Variants in USP20 observed in about 807,000 individuals in gnomAD.
USP20 encodes ubiquitin specific peptidase 20, also known as ubiquitin carboxyl-terminal hydrolase 20.
USP20 carries 80 observed loss-of-function variants against 124.2 expected under a neutral mutation model. That is an observed-to-expected ratio of 0.64 (90% confidence interval 0.54 to 0.78). The LOEUF is 0.78. Ranked by LOEUF, USP20 falls within the 30% of genes least tolerant of loss-of-function variation. The pLI, the probability that USP20 is intolerant of heterozygous loss-of-function variation, is 0.00. For synonymous variants in USP20, 481 were observed against 512.3 expected, an observed-to-expected ratio of 0.94 and a Z score of 0.83; for missense variants, 1,043 against 1,244.4, an observed-to-expected ratio of 0.84 and a Z score of 2.44.
intron 3 of USP20, among the ~76,000 whole-genome samples, chr9:129,855,160 G>A (rs868283761): frequency 1.3e-5 from 2 of 152,156 alleles, no homozygotes; most frequent in Admixed American, 1.3e-4. Context: ...GGCTGGGCAC[G>A]GTGGCTCACG....
intron 1 of USP20, among the ~76,000 whole-genome samples, chr9:129,843,013 C>G (rs1306144220): frequency 1.3e-5 from 2 of 152,016 alleles, no homozygotes; most frequent in African/African-American, 2.4e-5. Context: ...TTATGTTGCA[C>G]ATACTCATAT....
Position 129,868,279 on chromosome 9 carries a change from C to CT in USP20, c.966dup (p.Glu323Ter). The CT allele has an allele frequency of 6.2e-7, 1 of 1,614,040 alleles. No individual in the cohort carries two copies. Among genetic ancestry groups the CT allele is most frequent in the South Asian group, 1.1e-5 (1 of 91,086 alleles). On this transcript the variant is annotated frameshift_variant, in exon 11 of 26. Coordinates refer to ENST00000372429, the MANE Select transcript of USP20 (RefSeq NM_001110303.4). LOFTEE classifies it high-confidence loss of function. ...CCAGATGAGGCGGGCCGAGCCATCT[C>CT]TGAGAAGGAGCGGATGAAGGACCGC...
chr9:129,856,129 G>A (rs4837417), intron 3 of USP20, among the ~76,000 whole-genome samples, 178 bp from the exon 4 acceptor site: 131,597 of 152,294 alleles, frequency 0.86, 57,214 homozygotes, highest in East Asian at 0.98. Flanking sequence ...GTGCTCCCCT[G>A]GGAGCCTAAT....
At chr9:129,872,936 T>C (rs2034194978) in intron 15 of USP20, among the ~76,000 whole-genome samples, 2 of 152,164 alleles carry the variant, frequency 1.3e-5, no homozygotes, top group Admixed American at 1.3e-4. Context: ...ATTTTGCTTT[T>C]GGTGGTATCT....
intron 22 of USP20, among the ~76,000 whole-genome samples, chr9:129,877,593 G>A (rs190918803): frequency 7.2e-5 from 11 of 151,900 alleles, no homozygotes; most frequent in Admixed American, 2.0e-4. Context: ...ACCTACTCAG[G>A]AGGCTGAGGT....
rs1373046072 is a variant in USP20, at chr9:129,878,369, C to A, written c.2441C>A (p.Pro814Gln). ...LNKAFQAEES[P>Q]GVIYCISMQW... ...AAGGCCTTCCAGGCCGAGGAGTCGC[C>A]GGGCGTCATCTACTGCATCAGCATG... The change falls in exon 23 of 26, where the codon CCG becomes CAG. Residue 814 changes from proline to glutamine, a missense_variant. By Grantham distance (76) the Pro-to-Gln change is moderately conservative. Coordinates refer to ENST00000372429, the MANE Select transcript of USP20 (RefSeq NM_001110303.4). 1 of 1,605,452 alleles carries A rather than the reference C, an allele frequency of 6.2e-7. No individual in the cohort carries two copies. The highest frequency in any genetic ancestry group is 8.5e-7 in the Non-Finnish European group (1 of 1,176,106).
At chr9:129,836,669 GTTC>G (rs755915619) in intron 1 of USP20, among the ~76,000 whole-genome samples, 23 of 152,336 alleles carry the variant, frequency 1.5e-4, no homozygotes, top group Admixed American at 5.9e-4. Flanking sequence ...CACTGAGATT[GTTC>G]TTCTCTTCCT....
intron 9 of USP20, among the ~76,000 whole-genome samples, chr9:129,864,425 A>G (rs1295723960): frequency 1.4e-5 from 2 of 144,896 alleles, no homozygotes; most frequent in Non-Finnish European, 3.0e-5. Context: ...GAGCTTGATC[A>G]TGCCATTGCA....
rs202101177 is a variant in USP20, at chr9:129,878,370, G to A, written c.2442G>A (p.Pro814=). The part of the protein sequence containing the change: ...LNKAFQAEES[P]GVIYCISMQW... ...AGGCCTTCCAGGCCGAGGAGTCGCC[G>A]GGCGTCATCTACTGCATCAGCATGC... Residue 814 remains proline, a synonymous_variant, in exon 23 of 26, where the codon CCG becomes CCA. Transcript: ENST00000372429. 9.4e-5 allele frequency: 151 copies of A among 1,606,098 alleles called. No individual in the cohort carries two copies. The East Asian group carries it at 2.9e-3, about 31-fold the overall frequency.
rs1435598606 is a variant in USP20, at chr9:129,861,541, AG to A, written c.428del. The A allele has an allele frequency of 1.2e-6, 2 of 1,613,838 alleles. No homozygotes were observed. The highest frequency in any genetic ancestry group is 1.7e-6 in the Non-Finnish European group (2 of 1,179,964). On this transcript the variant is annotated splice_acceptor_variant, in intron 7 of 25. Transcript: ENST00000372429. LOFTEE classifies it high-confidence loss of function. ...CTCCTCCCCGTTGTGTTTATTTCCC[AG>A]GCCTCACGGGCATGAAGAACCTCGG...
In USP20 at chr9:129,868,214, T is replaced by A; in HGVS notation, c.900T>A (p.Arg300=). ...GGGGTGAGGGTGACGGGCAGGGGCG[T>A]GGCGGGGGCAGCTCGCAGGCCGAGA... is the stretch of plus-strand genomic sequence containing the variant. ...SDRGEGDGQG[R]GGGSSQAETE... is the part of the protein sequence containing the mutation. Residue 300 remains arginine (R), a synonymous_variant, in exon 11 of 26, where the codon CGT becomes CGA. Transcript: ENST00000372429. 6.2e-7 allele frequency: 1 copy of A among 1,613,632 alleles called. No homozygotes were observed. The highest frequency in any genetic ancestry group is 8.5e-7 in the Non-Finnish European group (1 of 1,179,830).
intron 1 of USP20, among the ~76,000 whole-genome samples, chr9:129,837,074 C>T (rs1051984207): frequency 3.9e-5 from 6 of 152,122 alleles, no homozygotes; most frequent in Non-Finnish European, 5.9e-5. Context: ...GGCCAGAGGA[C>T]CCAGTGATAA....
intron 2 of USP20, among the ~76,000 whole-genome samples, chr9:129,851,083 T>G (rs2032892548): frequency 1.3e-5 from 2 of 152,178 alleles, no homozygotes; most frequent in African/African-American, 4.8e-5. Flanking sequence ...TAATCAGCAG[T>G]CAGATTCCTG....
intron 3 of USP20, among the ~76,000 whole-genome samples, chr9:129,854,465 A>G (rs1284186816): frequency 6.6e-6 from 1 of 152,214 alleles, no homozygotes; most frequent in Non-Finnish European, 1.5e-5. Flanking sequence ...CACATTACAG[A>G]GAAATATGTA....
intron 21 of USP20, 131 bp downstream of exon 21, chr9:129,875,772 A>T: frequency 1.2e-6 from 1 of 824,256 alleles, no homozygotes; most frequent in South Asian, 1.7e-5. Context: ...GGCAGCACAG[A>T]GCCGCCTTCA....
Position 129,874,951 on chromosome 9 carries a change from T to C in USP20, c.2044T>C (p.Tyr682His). 6.2e-7 allele frequency: 1 copy of C among 1,613,506 alleles called. No individual in the cohort carries two copies. The highest frequency in any genetic ancestry group is 8.5e-7 in the Non-Finnish European group (1 of 1,179,916). ...GAACGCCGAGGGCTACGTACTCTTC[T>C]ACAGGTGGGCGCTGGGCCAGGCCTG... is the stretch of plus-strand genomic sequence containing the variant. ...VQNAEGYVLF[Y>H]RKSSEEAMRE... Residue 682 changes from tyrosine to histidine, a missense_variant, in exon 19 of 26, where the codon TAC becomes CAC. Tyr to His is a moderately conservative substitution (Grantham distance 83). Coordinates refer to ENST00000372429, the MANE Select transcript of USP20 (RefSeq NM_001110303.4).
intron 1 of USP20, among the ~76,000 whole-genome samples, chr9:129,841,454 GGA>G (rs968356383): frequency 6.6e-6 from 1 of 152,174 alleles, no homozygotes; most frequent in African/African-American, 2.4e-5. Context: ...TATGAATGGG[GGA>G]GAGAGAACAA....
At chr9:129,866,905 A>G (rs539349531) in intron 10 of USP20, among the ~76,000 whole-genome samples, 230 of 152,284 alleles carry the variant, frequency 1.5e-3, no homozygotes, top group African/African-American at 5.1e-3. Flanking sequence ...TCCCTGATGC[A>G]ATGTAACCTC....
At chr9:129,837,945 T>C (rs557461842) in intron 1 of USP20, among the ~76,000 whole-genome samples, 1 of 152,318 alleles carries the variant, frequency 6.6e-6, no homozygotes, top group South Asian at 2.1e-4. Flanking sequence ...AGAGCCAGGC[T>C]GTTCTTAGCC....
Sources: allele counts gnomAD v4.1 joint callset (sites outside exome capture counted in the v4.1 genomes callset), GRCh38; gene constraint gnomAD v4.1.1; transcripts MANE v1.5; gene names NCBI Gene and HGNC (gene_info 2026-07-23, HGNC 2026-07-21).